SMTNL2: variants seen among roughly 807,000 people sequenced by gnomAD.
SMTNL2 encodes the protein smoothelin-like protein 2.
A neutral mutation model predicts 44.1 loss-of-function variants in SMTNL2; 43 were observed. That is an observed-to-expected ratio of 0.98 (90% CI 0.76 to 1.26). The LOEUF is 1.26. Among genes scored for constraint, SMTNL2 ranks in the 50% most tolerant of loss-of-function variants. The probability of loss-of-function intolerance (pLI) is 0.00; values close to 1 mark genes in which losing one functional copy is unlikely to be tolerated. For synonymous variants in SMTNL2, 317 were observed against 287.6 expected, an observed-to-expected ratio of 1.10 and a Z score of -1.03; for missense variants, 646 against 670.2, an observed-to-expected ratio of 0.96 and a Z score of 0.40.
At position 4,607,411 on chromosome 17, in the gene SMTNL2, T is replaced by C. The variant is rs773413019; in HGVS notation, c.1310T>C (p.Met437Thr). The change falls in exon 8 of 8, where the codon ATG becomes ACG. Residue 437 changes from methionine to threonine, a missense_variant. Coordinates refer to ENST00000389313, the MANE Select transcript of SMTNL2 (RefSeq NM_001114974.2). This position sits in a 1 kb window ranked among gnomAD's most constrained non-coding sequence, Gnocchi z 4.7. ...RLIEVEDMMV[M>T]GRKPDPMCVF... ...ATCGAAGTGGAGGACATGATGGTGATGGGCCGCAAGCCGGACCCCATGTGT... is the reference window on the plus strand; with the variant it reads ...ATCGAAGTGGAGGACATGATGGTGACGGGCCGCAAGCCGGACCCCATGTGT... 3 of 1,614,168 alleles carry C rather than the reference T, an allele frequency of 1.9e-6. No homozygotes were observed. Among genetic ancestry groups the C allele is most frequent in the Non-Finnish European group, 2.5e-6 (3 of 1,180,028 alleles).
In SMTNL2 at chr17:4,607,574, G is replaced by C. The variant is rs781027413; in HGVS notation, c.*87G>C. 309 of 1,558,060 alleles carry C rather than the reference G, an allele frequency of 2.0e-4. No homozygotes were observed. Among genetic ancestry groups the C allele is most frequent in the Non-Finnish European group, 2.7e-4 (307 of 1,150,038 alleles). ...TTCCCCAGCCAGGATGCCCCCAGGA[G>C]CCTTGCCGTTTGGTGTGAGCGCGCT... On this transcript the variant is annotated 3_prime_UTR_variant, in exon 8 of 8. Transcript: ENST00000389313. The surrounding 1 kb of genome is among the most constrained non-coding windows in gnomAD (Gnocchi z 4.7).
rs758066302 is a variant in SMTNL2 at position 4,595,356 on chromosome 17, G to A, written c.989+29G>A. 2.9e-5 allele frequency: 47 copies of A among 1,604,196 alleles called. No individual in the cohort carries two copies. Among genetic ancestry groups the A allele is most frequent in the South Asian group, 6.7e-5 (6 of 89,930 alleles). On this transcript the variant is annotated intron_variant, in intron 5 of 7. Transcript: ENST00000389313. This position sits in a 1 kb window ranked among gnomAD's most constrained non-coding sequence, Gnocchi z 5.1. ...CGGATGCCCACTCACAGACAGGCCC[G>A]GCCCCACGGTGTGCCCAGACCCAGA...
At chr17:4,604,403 C>A (rs904323006) in intron 7 of SMTNL2, among the ~76,000 whole-genome samples, 1 of 152,210 alleles carries the variant, frequency 6.6e-6, no homozygotes, top group African/African-American at 2.4e-5. Context: ...CATTTGGTTT[C>A]TGGTAGGAGG....
At chr17:4,601,863 A>G (rs1416624766) in intron 7 of SMTNL2, among the ~76,000 whole-genome samples, 1 of 152,010 alleles carries the variant, frequency 6.6e-6, no homozygotes, top group Non-Finnish European at 1.5e-5. Context: ...TTACAAAAGC[A>G]GTTGTTGTTT....
At chr17:4,594,871 T>C (rs1909740949) in intron 4 of SMTNL2, among the ~76,000 whole-genome samples, 1 of 152,128 alleles carries the variant, frequency 6.6e-6, no homozygotes. Context: ...GGGGTCCCTC[T>C]GTCCTCCCCA....
chr17:4,584,043 T>A (rs1467009312), upstream of SMTNL2: 1 of 152,220 alleles, frequency 6.6e-6, no homozygotes, highest in Non-Finnish European at 1.5e-5. Context: ...TCACCACCTG[T>A]CTCCTCCCTG....
At position 4,584,816 on chromosome 17, in the gene SMTNL2, C is replaced by A; in HGVS notation, c.211C>A (p.Gln71Lys). 2 of 1,326,846 alleles carry A rather than the reference C, an allele frequency of 1.5e-6. No individual in the cohort carries two copies. The highest frequency in any genetic ancestry group is 9.6e-7 in the Non-Finnish European group (1 of 1,039,936). The allele number at this position is 1,326,846 out of a possible 1,614,324, so 82.2% of individuals were successfully genotyped here. A position where few individuals can be genotyped will look rare whatever the true frequency, so the allele number is the denominator to read the frequency against. The change falls in exon 1 of 8, where the codon CAG becomes AAG. Residue 71 changes from glutamine (Q) to lysine (K), a missense_variant. By Grantham distance (53) the Gln-to-Lys change is moderately conservative. Transcript: ENST00000389313. ...ADLQRDNQRL[Q>K]AQLERLTRQV... The stretch of plus-strand genomic sequence containing the variant: ...CCTGCAGCGGGACAACCAGCGGCTG[C>A]AGGCGCAGCTCGAGCGCCTGACGCG...
Position 4,585,075 on chromosome 17 carries a change from C to T in SMTNL2, c.399+71C>T, listed in dbSNP as rs1423709856. On this transcript the variant is annotated intron_variant, in intron 1 of 7. Coordinates refer to ENST00000389313, the MANE Select transcript of SMTNL2 (RefSeq NM_001114974.2). ...CGAACCGGGTGCCGCCCCTTCGCCC[C>T]GACTGCCTGCCTCTGCTCGCGTCTG... 7.1e-6 allele frequency: 9 copies of T among 1,264,650 alleles called. No homozygotes were observed. In the East Asian group the frequency reaches 1.0e-4, roughly 14 times the overall value. The allele number at this position is 1,264,650 out of a possible 1,614,324, so 78.3% of individuals were successfully genotyped here. A position where few individuals can be genotyped will look rare whatever the true frequency, so the allele number is the denominator to read the frequency against.
chr17:4,592,974 C>A lies in SMTNL2; in HGVS notation c.533C>A (p.Pro178Gln), dbSNP rs1909642216. Residue 178 changes from proline to glutamine, a missense_variant, in exon 3 of 8, where the codon CCA becomes CAA. Physicochemically the swap from Pro to Gln is moderately conservative, Grantham distance 76. Transcript: ENST00000389313. The surrounding 1 kb of genome is among the most constrained non-coding windows in gnomAD (Gnocchi z 4.5). ...GAGATTGCCCAAAACTTCTCAGCACCAGATCCCCCCAGGCCTCGTCCTGTG... is the reference window on the plus strand; with the variant it reads ...GAGATTGCCCAAAACTTCTCAGCACAAGATCCCCCCAGGCCTCGTCCTGTG... ...PPEIAQNFSA[P>Q]DPPRPRPVSL... The A allele has an allele frequency of 6.2e-7, 1 of 1,614,032 alleles. No individual in the cohort carries two copies. Among genetic ancestry groups the A allele is most frequent in the African/African-American group, 1.3e-5 (1 of 75,046 alleles).
At chr17:4,601,918 C>T (rs770344093) in intron 7 of SMTNL2, among the ~76,000 whole-genome samples, 6 of 151,944 alleles carry the variant, frequency 3.9e-5, no homozygotes, top group Non-Finnish European at 7.4e-5. Flanking sequence ...TATTTGGAGA[C>T]TCAAACATTT....
In SMTNL2 at chr17:4,592,334, G is replaced by T; in HGVS notation, c.400-27G>T. On this transcript the variant is annotated intron_variant, in intron 1 of 7. Transcript: ENST00000389313. This position sits in a 1 kb window ranked among gnomAD's most constrained non-coding sequence, Gnocchi z 4.5. ...TGGGCAGCTGGCCCTAGCTGATGGG[G>T]TCTCGGTGACATTTGTGTCTCTGTA... 6.2e-7 allele frequency: 1 copy of T among 1,610,960 alleles called. No individual in the cohort carries two copies. The highest frequency in any genetic ancestry group is 8.5e-7 in the Non-Finnish European group (1 of 1,178,696).
intron 7 of SMTNL2, among the ~76,000 whole-genome samples, chr17:4,606,513 G>T (rs540213370): frequency 6.6e-6 from 1 of 152,092 alleles, no homozygotes; most frequent in South Asian, 2.1e-4. Flanking sequence ...TGTAATCACA[G>T]CTACTCAGGA....
chr17:4,584,379 G>A (rs945594798), upstream of SMTNL2, among the ~76,000 whole-genome samples: 3 of 152,154 alleles, frequency 2.0e-5, no homozygotes, highest in Non-Finnish European at 4.4e-5. Context: ...GCCGGGGAGG[G>A]GAGAGGCTGG....
chr17:4,596,888 AAGCGGTCGCAG>A lies in SMTNL2; in HGVS notation c.1022_1032del (p.Arg341LeufsTer55). 6.6e-7 allele frequency: 1 copy of A among 1,511,278 alleles called. No individual in the cohort carries two copies. Among genetic ancestry groups the A allele is most frequent in the Non-Finnish European group, 8.9e-7 (1 of 1,125,114 alleles). The allele number at this position is 1,511,278 out of a possible 1,614,324, so 93.6% of individuals were successfully genotyped here. A position where few individuals can be genotyped will look rare whatever the true frequency, so the allele number is the denominator to read the frequency against. On this transcript the variant is annotated frameshift_variant, in exon 6 of 8. Transcript: ENST00000389313. LOFTEE classifies it high-confidence loss of function. The stretch of plus-strand genomic sequence containing the variant: ...GAAAGGCGAGGCCCGGGCCAGGCTG[AAGCGGTCGCAG>A]AGCTTCGGCGTGGCCAGCGCCAGCA...
chr17:4,595,451 A>G lies in SMTNL2; in HGVS notation c.989+124A>G. On this transcript the variant is annotated intron_variant, in intron 5 of 7. Transcript: ENST00000389313. This position sits in a 1 kb window ranked among gnomAD's most constrained non-coding sequence, Gnocchi z 5.1. ...GTTCCCCAGGGCGCTGTTGCCCAGG[A>G]CAAGATCTCTTGGGCAAGGCACAAA... 2 of 1,359,074 alleles carry G rather than the reference A, an allele frequency of 1.5e-6. No homozygotes were observed. Among genetic ancestry groups the G allele is most frequent in the Non-Finnish European group, 2.0e-6 (2 of 1,008,688 alleles). The allele number at this position is 1,359,074 out of a possible 1,614,324, so 84.2% of individuals were successfully genotyped here. A position where few individuals can be genotyped will look rare whatever the true frequency, so the allele number is the denominator to read the frequency against.
intron 1 of SMTNL2, among the ~76,000 whole-genome samples, chr17:4,587,320 A>AC (rs1909382223): frequency 6.6e-6 from 1 of 151,932 alleles, no homozygotes; most frequent in East Asian, 1.9e-4. Flanking sequence ...CGCTGGGCTG[A>AC]CCCCCGAAGC....
In SMTNL2 at chr17:4,598,969, G is replaced by A. The variant is rs557025691; in HGVS notation, c.1259+1646G>A. On this transcript the variant is annotated intron_variant, in intron 7 of 7. Transcript: ENST00000389313. This position sits in a 1 kb window ranked among gnomAD's most constrained non-coding sequence, Gnocchi z 4.8. ...AGCCCCGGCCCTGGCCCACCACCCC[G>A]GCCCCTGAGCCTGGCCAGGGAAAGA... Among the ~76,000 whole-genome samples the A allele has an allele frequency of 6.6e-5, 10 of 152,096 alleles. No individual in the cohort carries two copies. Among genetic ancestry groups the A allele is most frequent in the East Asian group, 3.9e-4 (2 of 5,156 alleles).
At chr17:4,588,475 C>T (rs1909433818) in intron 1 of SMTNL2, among the ~76,000 whole-genome samples, 1 of 152,176 alleles carries the variant, frequency 6.6e-6, no homozygotes. Context: ...CCCCAGGGCT[C>T]TCCAGCGATT....
At chr17:4,601,875 T>C (rs1350939699) in intron 7 of SMTNL2, among the ~76,000 whole-genome samples, 1 of 152,174 alleles carries the variant, frequency 6.6e-6, no homozygotes, top group Non-Finnish European at 1.5e-5. Flanking sequence ...TTGTTGTTTT[T>C]TTTTTAATTT....
Sources: gnomAD v4.1 joint callset for allele counts (sites outside exome capture counted in the v4.1 genomes callset) on GRCh38, gnomAD v4.1.1 for gene constraint, Gnocchi (gnomAD v3.1) non-coding constraint, MANE v1.5 for transcripts, NCBI Gene and HGNC (gene_info 2026-07-23, HGNC 2026-07-21) for gene names.